Variants in HCN1 observed in about 807,000 individuals in gnomAD.
HCN1 encodes the protein potassium/sodium hyperpolarization-activated cyclic nucleotide-gated channel 1.
In HCN1, 13 loss-of-function variants were observed where a neutral mutation model predicts 78.9. The ratio of observed to expected loss-of-function variants is 0.16; its 90% confidence interval spans 0.11 to 0.26. HCN1 has a LOEUF of 0.26. HCN1 is among the 10% of genes least tolerant of loss of function. The probability of loss-of-function intolerance (pLI) is 1.00; values close to 1 mark genes in which losing one functional copy is unlikely to be tolerated. For synonymous variants in HCN1, 552 were observed against 455.5 expected (o/e 1.21, Z -2.70); for missense variants, 810 against 1,154.3 (o/e 0.70, Z 4.32).
chr5:45,513,187 T>C (rs947113533), intron 2 of HCN1, among the ~76,000 whole-genome samples: 1 of 152,070 alleles, frequency 6.6e-6, no homozygotes, highest in Non-Finnish European at 1.5e-5. Flanking sequence ...TAACTGAAAT[T>C]TAAATTTTGC....
intron 2 of HCN1, among the ~76,000 whole-genome samples, chr5:45,464,001 C>T (rs1488554133): frequency 6.6e-6 from 1 of 152,190 alleles, no homozygotes; most frequent in East Asian, 1.9e-4. Flanking sequence ...CAGTGGCCAT[C>T]ATTCAATTAT....
At chr5:45,650,798 C>T (rs1025710395) in intron 1 of HCN1, among the ~76,000 whole-genome samples, 2 of 151,784 alleles carry the variant, frequency 1.3e-5, no homozygotes, top group South Asian at 2.1e-4. Context: ...TTTCTCTACC[C>T]ACATGCAACC....
At chr5:45,266,282 A>G (rs1461149118) in intron 7 of HCN1, among the ~76,000 whole-genome samples, 1 of 152,128 alleles carries the variant, frequency 6.6e-6, no homozygotes, top group Non-Finnish European at 1.5e-5. Context: ...TATGTAGGGC[A>G]TTACTATCAA....
chr5:45,503,908 C>T (rs1742239914), intron 2 of HCN1, among the ~76,000 whole-genome samples: 1 of 151,930 alleles, frequency 6.6e-6, no homozygotes, highest in Non-Finnish European at 1.5e-5. Flanking sequence ...GCATTAGCCT[C>T]CCAAGTAGCT....
chr5:45,350,757 A>G (rs1746878650), intron 5 of HCN1, among the ~76,000 whole-genome samples: 1 of 151,950 alleles, frequency 6.6e-6, no homozygotes, highest in East Asian at 1.9e-4. Context: ...CCAAATCATG[A>G]GTGAACTCCC....
At chr5:45,448,349 G>A (rs1040751166) in intron 3 of HCN1, among the ~76,000 whole-genome samples, 1 of 152,030 alleles carries the variant, frequency 6.6e-6, no homozygotes, top group Non-Finnish European at 1.5e-5. Flanking sequence ...AGTTTATTCA[G>A]TTTAAAATAT....
At chr5:45,423,762 T>C (rs1045311865) in intron 3 of HCN1, among the ~76,000 whole-genome samples, 7 of 152,346 alleles carry the variant, frequency 4.6e-5, no homozygotes, top group African/African-American at 1.4e-4. Flanking sequence ...TAGAATGGGA[T>C]AGAGGTTCAA....
intron 1 of HCN1, among the ~76,000 whole-genome samples, chr5:45,665,782 T>A (rs1192278444): frequency 6.6e-6 from 1 of 152,106 alleles, no homozygotes; most frequent in Non-Finnish European, 1.5e-5. Context: ...CTATAGAATA[T>A]GTTTATGAGA....
chr5:45,603,759 A>G (rs1744671796), intron 2 of HCN1, among the ~76,000 whole-genome samples: 1 of 152,072 alleles, frequency 6.6e-6, no homozygotes, highest in Non-Finnish European at 1.5e-5. Flanking sequence ...CAGTTATTGA[A>G]AACATGCCCC....
intron 1 of HCN1, among the ~76,000 whole-genome samples, chr5:45,673,202 A>G (rs1316600282): frequency 3.3e-5 from 5 of 151,520 alleles, no homozygotes; most frequent in African/African-American, 1.2e-4. Flanking sequence ...TCTCATGATT[A>G]GACTGAGGTT....
At chr5:45,621,123 C>T (rs1745052095) in intron 2 of HCN1, among the ~76,000 whole-genome samples, 1 of 152,160 alleles carries the variant, frequency 6.6e-6, no homozygotes, top group Non-Finnish European at 1.5e-5. Context: ...TGAGGACAGA[C>T]ATTGAGAGAG....
At chr5:45,454,416 G>C (rs1439441268) in intron 3 of HCN1, among the ~76,000 whole-genome samples, 1 of 150,900 alleles carries the variant, frequency 6.6e-6, no homozygotes, top group African/African-American at 2.4e-5. Context: ...AGCTACGAAG[G>C]CATTTTTTTT....
Position 45,696,106 on chromosome 5 carries a change from C to G in HCN1, c.-13G>C. The G allele has an allele frequency of 7.6e-7, 1 of 1,323,320 alleles. No individual in the cohort carries two copies. The highest frequency in any genetic ancestry group is 1.5e-5 in the South Asian group (1 of 65,464). The allele number at this position is 1,323,320 out of a possible 1,614,324, so 82.0% of individuals were successfully genotyped here. On this transcript the variant is annotated 5_prime_UTR_variant, in exon 1 of 8. Transcript: ENST00000303230. The stretch of plus-strand genomic sequence containing the variant: ...CGCCTCCTTCCATGCCCGGAGGACG[C>G]GGCCGGCGACGGCGCGGGCTCCAGA...
intron 2 of HCN1, among the ~76,000 whole-genome samples, chr5:45,536,776 A>T (rs1362002341): frequency 6.6e-6 from 1 of 152,194 alleles, no homozygotes; most frequent in Non-Finnish European, 1.5e-5. Context: ...ATTGAAAGAA[A>T]ATCTGGATTT....
At chr5:45,671,147 C>T (rs1466037033) in intron 1 of HCN1, among the ~76,000 whole-genome samples, 1 of 151,474 alleles carries the variant, frequency 6.6e-6, no homozygotes, top group Non-Finnish European at 1.5e-5. Context: ...TTAATAGCCC[C>T]ATCACCCTTG....
chr5:45,621,317 C>T (rs1002448189), intron 2 of HCN1, among the ~76,000 whole-genome samples: 1 of 148,186 alleles, frequency 6.7e-6, no homozygotes, highest in Non-Finnish European at 1.5e-5. Flanking sequence ...AATTGTTCCA[C>T]CTTTCTTTTT....
chr5:45,630,995 G>T (rs1745261187), intron 2 of HCN1, among the ~76,000 whole-genome samples: 1 of 152,078 alleles, frequency 6.6e-6, no homozygotes, highest in African/African-American at 2.4e-5. Context: ...TAAAAACGTA[G>T]ATCACATTTC....
At chr5:45,471,931 T>A (rs1370256045) in intron 2 of HCN1, among the ~76,000 whole-genome samples, 11 of 151,960 alleles carry the variant, frequency 7.2e-5, no homozygotes, top group Non-Finnish European at 5.9e-5. Context: ...GAAAATATGG[T>A]CCACTTGGCA....
At chr5:45,476,525 C>T (rs1179028374) in intron 2 of HCN1, among the ~76,000 whole-genome samples, 1 of 152,042 alleles carries the variant, frequency 6.6e-6, no homozygotes, top group African/African-American at 2.4e-5. Context: ...TAATTTTATC[C>T]AGCTTCTTTA....
Sources: gnomAD v4.1 joint callset for allele counts (sites outside exome capture counted in the v4.1 genomes callset) on GRCh38, gnomAD v4.1.1 for gene constraint, MANE v1.5 for transcripts, NCBI Gene and HGNC (gene_info 2026-07-23, HGNC 2026-07-21) for gene names.